The following CTNNA2 variants were observed in gnomAD, a reference collection of about 807,000 sequenced individuals.
CTNNA2 encodes the protein catenin alpha 2.
Under a neutral mutation model 101.0 loss-of-function variants are expected in CTNNA2, and 42 were observed. The observed-to-expected ratio is 0.42, with a 90% confidence interval of 0.32 to 0.54. The LOEUF (loss-of-function observed/expected upper bound fraction) is 0.54. CTNNA2 is among the 20% of genes least tolerant of loss of function. The pLI, the probability that CTNNA2 is intolerant of heterozygous loss-of-function variation, is 0.14. For missense variants in CTNNA2, 871 were observed against 1,223.1 expected, an observed-to-expected ratio of 0.71 and a Z score of 4.29; for synonymous variants, 450 against 456.4, an observed-to-expected ratio of 0.99 and a Z score of 0.18.
intron 7 of CTNNA2, among the ~76,000 whole-genome samples, chr2:80,057,384 C>T (rs747942603): frequency 1.4e-4 from 21 of 152,042 alleles, no homozygotes; most frequent in Admixed American, 3.9e-4. Context: ...TACACCATTC[C>T]GATGGAACAT....
chr2:80,569,633 G>T (rs1335489768), intron 12 of CTNNA2, among the ~76,000 whole-genome samples: 2 of 51,738 alleles, frequency 3.9e-5, no homozygotes, highest in Non-Finnish European at 7.8e-5. Context: ...GGGTATTTAG[G>T]TTTTTTTTTT....
intron 12 of CTNNA2, among the ~76,000 whole-genome samples, chr2:80,561,013 T>C (rs1156596010): frequency 6.6e-6 from 1 of 152,174 alleles, no homozygotes; most frequent in East Asian, 1.9e-4. Context: ...AATTTCTGTG[T>C]ATCAATGGGA....
At position 79,385,495 on chromosome 2, in the gene CTNNA2, CTTTAT is replaced by C. The variant is rs201553740; in HGVS notation, c.-135+11511_-135+11515del. Among the ~76,000 whole-genome samples, 165 of 151,100 alleles carry C rather than the reference CTTTAT, an allele frequency of 1.1e-3. 1 individual carries two copies. The highest frequency in any genetic ancestry group is 2.3e-3 in the African/African-American group (94 of 41,082). ...GCTAGCAAACAGGGTTAAATAGGGT[CTTTAT>C]TTTATTTTATTTTATTTTATTTTAT... On this transcript the variant is annotated intron_variant, in intron 4 of 21. Coordinates refer to the CTNNA2 transcript ENST00000466387.
intron 4 of CTNNA2, among the ~76,000 whole-genome samples, chr2:79,466,966 G>A (rs1431790288): frequency 6.6e-6 from 1 of 152,210 alleles, no homozygotes. Flanking sequence ...AAAAATCAGA[G>A]CGCCTCTCCC....
chr2:79,214,246 C>T (rs1485251768), intron 2 of CTNNA2, among the ~76,000 whole-genome samples: 1 of 152,160 alleles, frequency 6.6e-6, no homozygotes, highest in East Asian at 1.9e-4. Context: ...TTTGCTGAGC[C>T]TGATGGGTGT....
chr2:80,247,879 A>G (rs775167897), intron 7 of CTNNA2, among the ~76,000 whole-genome samples: 3 of 152,214 alleles, frequency 2.0e-5, no homozygotes, highest in Non-Finnish European at 4.4e-5. Flanking sequence ...TTGGTTGGAT[A>G]CCAGAAACCC....
chr2:79,727,136 T>C (rs886488646), intron 2 of CTNNA2, among the ~76,000 whole-genome samples: 2 of 152,234 alleles, frequency 1.3e-5, no homozygotes, highest in Admixed American at 1.3e-4. Context: ...GTTTTGCACA[T>C]TCTGTATGAA....
intron 7 of CTNNA2, among the ~76,000 whole-genome samples, chr2:80,143,080 C>G (rs1394778607): frequency 1.3e-5 from 2 of 152,210 alleles, no homozygotes; most frequent in Non-Finnish European, 2.9e-5. Context: ...TTAAGATTAA[C>G]TACCACTGAC....
intron 9 of CTNNA2, among the ~76,000 whole-genome samples, chr2:80,428,718 T>C (rs962814769): frequency 6.6e-6 from 1 of 152,178 alleles, no homozygotes; most frequent in African/African-American, 2.4e-5. Context: ...CAGGGCCTTG[T>C]TTCAAACCAT....
chr2:80,342,427 A>G (rs1433146541), intron 7 of CTNNA2, among the ~76,000 whole-genome samples: 1 of 152,188 alleles, frequency 6.6e-6, no homozygotes, highest in Non-Finnish European at 1.5e-5. Context: ...TTGTAAATAA[A>G]CAATGCTGCT....
chr2:79,715,335 G>A (rs1174902670), intron 2 of CTNNA2, among the ~76,000 whole-genome samples: 1 of 151,900 alleles, frequency 6.6e-6, no homozygotes, highest in Non-Finnish European at 1.5e-5. Flanking sequence ...TCATGGAAAA[G>A]CACTGTAGAA....
rs150472823 is a variant in CTNNA2, at chr2:79,854,805, G to C, written c.299-3208G>C. ...AGAATGTATATAAAAGAAGCAGGCA[G>C]ATCTCTTGTACCCTCTCTTCACTGC... is the stretch of plus-strand genomic sequence containing the variant. On this transcript the variant is annotated intron_variant, in intron 3 of 18. Coordinates refer to ENST00000402739, the MANE Select transcript of CTNNA2 (RefSeq NM_001282597.3). Among the ~76,000 whole-genome samples the C allele has an allele frequency of 2.2e-3, 337 of 152,262 alleles. 1 individual carries two copies. The highest frequency in any genetic ancestry group is 7.7e-3 in the African/African-American group (319 of 41,548).
intron 7 of CTNNA2, among the ~76,000 whole-genome samples, chr2:79,996,733 A>C (rs1027331545): frequency 2.0e-5 from 3 of 152,174 alleles, no homozygotes; most frequent in African/African-American, 7.2e-5. Flanking sequence ...CCTGTGTGGC[A>C]CTACAATGCA....
chr2:79,243,261 T>C (rs183129195), intron 2 of CTNNA2, among the ~76,000 whole-genome samples: 7 of 152,204 alleles, frequency 4.6e-5, no homozygotes, highest in Non-Finnish European at 8.8e-5. Context: ...GAGGAAATTG[T>C]AGTTAAGGGA....
At chr2:80,405,484 T>C (rs1678970281) in intron 8 of CTNNA2, among the ~76,000 whole-genome samples, 1 of 152,140 alleles carries the variant, frequency 6.6e-6, no homozygotes, top group Non-Finnish European at 1.5e-5. Context: ...TATCAATTAT[T>C]AAAGAGACCT....
chr2:79,536,574 A>AGTATGT (rs34403615), intron 1 of CTNNA2, among the ~76,000 whole-genome samples: 32,550 of 146,730 alleles, frequency 0.22, 3,759 homozygotes, highest in Middle Eastern at 0.35. Context: ...TCTCTAAAGA[A>AGTATGT]GTGTGTGTGT....
At chr2:80,635,464 G>C (rs2149840087) in intron 18 of CTNNA2, among the ~76,000 whole-genome samples, 1 of 152,110 alleles carries the variant, frequency 6.6e-6, no homozygotes, top group Non-Finnish European at 1.5e-5. Flanking sequence ...TTTCTGTAAT[G>C]AAAAAAGAGT....
chr2:80,030,880 A>C (rs921635893), intron 7 of CTNNA2, among the ~76,000 whole-genome samples: 1 of 152,202 alleles, frequency 6.6e-6, no homozygotes, highest in Non-Finnish European at 1.5e-5. Flanking sequence ...CAATAGACAT[A>C]AAAAAGTGGT....
At chr2:80,275,318 A>C (rs752088537) in intron 7 of CTNNA2, among the ~76,000 whole-genome samples, 1 of 152,208 alleles carries the variant, frequency 6.6e-6, no homozygotes, top group African/African-American at 2.4e-5. Context: ...ATGTCATTAC[A>C]TGTTGTCAGG....
Sources: gnomAD v4.1 joint callset for allele counts (sites outside exome capture counted in the v4.1 genomes callset) on GRCh38, gnomAD v4.1.1 for gene constraint, MANE v1.5 for transcripts, NCBI Gene and HGNC (gene_info 2026-07-23, HGNC 2026-07-21) for gene names.